The following SLC28A3 variants were observed in gnomAD, a reference collection of about 807,000 sequenced individuals.
SLC28A3 encodes the protein concentrative Na(+)-nucleoside cotransporter 3.
In SLC28A3, 68 loss-of-function variants were observed where a neutral mutation model predicts 84.2. That is an observed-to-expected ratio of 0.81 (90% CI 0.66 to 0.99). The LOEUF is 0.99. Among genes scored for constraint, SLC28A3 ranks in the 50% least tolerant of loss-of-function variants. SLC28A3 has a pLI of 0.00. For synonymous variants in SLC28A3, 267 were observed against 303.6 expected (o/e 0.88, Z 1.25); for missense variants, 712 against 841.5 (o/e 0.85, Z 1.90).
chr9:84,349,609 C>T, the SLC28A3 span, among the ~76,000 whole-genome samples: 3 of 152,148 alleles, frequency 2.0e-5, no homozygotes, highest in Non-Finnish European at 4.4e-5. Context: ...AGACAGCATC[C>T]ATACACTCAC....
chr9:84,337,006 G>A (rs879723739), intron 1 of SLC28A3, among the ~76,000 whole-genome samples: 7 of 152,010 alleles, frequency 4.6e-5, no homozygotes, highest in African/African-American at 1.7e-4. Context: ...AATGCACTTG[G>A]TGCTGGCTGG....
At chr9:84,336,787 C>T (rs916205089) in intron 1 of SLC28A3, among the ~76,000 whole-genome samples, 1 of 152,186 alleles carries the variant, frequency 6.6e-6, no homozygotes, top group African/African-American at 2.4e-5. Flanking sequence ...TTCCCTATAC[C>T]GTGTTCCCTT....
chr9:84,298,550 T>G (rs1259818346), intron 6 of SLC28A3, among the ~76,000 whole-genome samples: 1 of 152,154 alleles, frequency 6.6e-6, no homozygotes, highest in African/African-American at 2.4e-5. Flanking sequence ...TTTCAAGTCT[T>G]CAGTCCAGGA....
chr9:84,337,166 C>T (rs928884871), intron 1 of SLC28A3, among the ~76,000 whole-genome samples: 1 of 152,126 alleles, frequency 6.6e-6, no homozygotes, highest in Non-Finnish European at 1.5e-5. Context: ...TTGGTGCAAA[C>T]CTCCGCCATT....
intron 1 of SLC28A3, among the ~76,000 whole-genome samples, chr9:84,316,696 G>A (rs7029691): frequency 0.36 from 54,952 of 152,122 alleles, 14,276 homozygotes; most frequent in African/African-American, 0.72. Context: ...TATTTAGTAG[G>A]CAGGAGACAC....
chr9:84,305,031 C>A (rs10868139), intron 4 of SLC28A3, among the ~76,000 whole-genome samples: 16,165 of 151,964 alleles, frequency 0.11, 2,006 homozygotes, highest in East Asian at 0.31. Context: ...CAAAGAAAAA[C>A]AAAATTAGCT....
At chr9:84,307,792 C>T (rs942738790) in intron 3 of SLC28A3, among the ~76,000 whole-genome samples, 46 of 152,132 alleles carry the variant, frequency 3.0e-4, no homozygotes, top group African/African-American at 1.0e-3. Context: ...GTGTGTAGTC[C>T]ATTGTGGCAA....
At position 84,325,866 on chromosome 9, in the gene SLC28A3, A is replaced by G. The variant is rs566973250; in HGVS notation, c.61-12412T>C. On this transcript the variant is annotated intron_variant, in intron 1 of 17. Coordinates refer to ENST00000376238, the MANE Select transcript of SLC28A3 (RefSeq NM_001199633.2). ...ATCTCTATCTCCATTTTACTTTCAA[A>G]CAACACAAGACATGCATACCATTTT... Among the ~76,000 whole-genome samples, 3 of 152,274 alleles carry G rather than the reference A, an allele frequency of 2.0e-5. No individual in the cohort carries two copies. The East Asian group carries it at 5.8e-4, about 29-fold the overall frequency.
At chr9:84,301,773 T>C (rs1564157988) in intron 5 of SLC28A3, among the ~76,000 whole-genome samples, 1 of 152,334 alleles carries the variant, frequency 6.6e-6, no homozygotes, top group East Asian at 1.9e-4. Context: ...ACATTACTGA[T>C]TGATCATGGT....
chr9:84,311,457 G>A (rs551977625), intron 2 of SLC28A3, among the ~76,000 whole-genome samples: 1 of 151,976 alleles, frequency 6.6e-6, no homozygotes, highest in Non-Finnish European at 1.5e-5. Flanking sequence ...AAAGTCTGCA[G>A]TGAGACTCTC....
chr9:84,339,048 A>G (rs1279029219), intron 1 of SLC28A3, among the ~76,000 whole-genome samples: 2 of 152,040 alleles, frequency 1.3e-5, no homozygotes, highest in Admixed American at 1.3e-4. Flanking sequence ...TGCATGAACA[A>G]ACCTCGATAA....
intron 1 of SLC28A3, among the ~76,000 whole-genome samples, chr9:84,339,581 G>C (rs903761861): frequency 6.6e-6 from 1 of 152,176 alleles, no homozygotes; most frequent in African/African-American, 2.4e-5. Context: ...AATAAAATTT[G>C]CGTGCCTTTT....
At chr9:84,360,898 T>G in the SLC28A3 span, among the ~76,000 whole-genome samples, 1 of 151,916 alleles carries the variant, frequency 6.6e-6, no homozygotes, top group Non-Finnish European at 1.5e-5. Flanking sequence ...AGCAAGACCT[T>G]GTCTCAAAAT....
chr9:84,345,946 G>A, the SLC28A3 span, among the ~76,000 whole-genome samples: 3 of 152,172 alleles, frequency 2.0e-5, no homozygotes, highest in Non-Finnish European at 4.4e-5. Context: ...AATAGAAATT[G>A]TGATCAGAAA....
chr9:84,312,073 G>A (rs1024927506), intron 2 of SLC28A3, among the ~76,000 whole-genome samples: 6 of 152,054 alleles, frequency 3.9e-5, no homozygotes, highest in Admixed American at 3.3e-4. Flanking sequence ...TCTTTTTAGC[G>A]CTGAAAGACA....
intron 1 of SLC28A3, among the ~76,000 whole-genome samples, chr9:84,336,265 G>A (rs1826973083): frequency 6.6e-6 from 1 of 152,174 alleles, no homozygotes; most frequent in Admixed American, 6.5e-5. Context: ...ACTTTGGGAG[G>A]CTGAGGCAGG....
chr9:84,337,431 C>CGTGTGTGTGTGTGTGTGTGTGT (rs1564181314), intron 1 of SLC28A3, among the ~76,000 whole-genome samples: 2 of 145,668 alleles, frequency 1.4e-5, no homozygotes, highest in African/African-American at 5.1e-5. Context: ...GGGATGCTAG[C>CGTGTGTGTGTGTGTGTGTGTGT]CTGTGTGTGT....
At chr9:84,321,072 T>TAAAAAG (rs1826360233) in intron 1 of SLC28A3, among the ~76,000 whole-genome samples, 1 of 152,144 alleles carries the variant, frequency 6.6e-6, no homozygotes, top group Non-Finnish European at 1.5e-5. Flanking sequence ...AAGGTGCTAC[T>TAAAAAG]TCTAGGAGTT....
At chr9:84,304,830 C>T (rs907104939) in intron 4 of SLC28A3, among the ~76,000 whole-genome samples, 2 of 151,998 alleles carry the variant, frequency 1.3e-5, no homozygotes, top group African/African-American at 2.4e-5. Flanking sequence ...GAGACCAGCC[C>T]GGCCAACACA....
Sources: allele counts gnomAD v4.1 joint callset (sites outside exome capture counted in the v4.1 genomes callset), GRCh38; gene constraint gnomAD v4.1.1; transcripts MANE v1.5; gene names NCBI Gene and HGNC (gene_info 2026-07-23, HGNC 2026-07-21).